Variants in SYNPR observed in about 807,000 individuals in gnomAD.
The protein encoded by SYNPR is synaptoporin.
In SYNPR, 23 loss-of-function variants were observed where a neutral mutation model predicts 32.9. The ratio of observed to expected loss-of-function variants is 0.70; its 90% CI spans 0.50 to 0.99. The LOEUF (loss-of-function observed/expected upper bound fraction) is 0.99. SYNPR is among the 50% of genes least tolerant of loss of function. SYNPR has a pLI of 0.00. For missense variants in SYNPR, 318 were observed against 349.3 expected (o/e 0.91, Z 0.71); for synonymous variants, 146 against 135.9 (o/e 1.07, Z -0.52).
intron 4 of SYNPR, among the ~76,000 whole-genome samples, chr3:63,586,485 T>A (rs899501359): frequency 2.9e-4 from 44 of 152,020 alleles, no homozygotes; most frequent in African/African-American, 8.9e-4. Flanking sequence ...AACAACTTTT[T>A]AAAAAACCTT....
chr3:63,428,958 C>A (rs533754833), intron 2 of SYNPR, among the ~76,000 whole-genome samples: 1 of 152,116 alleles, frequency 6.6e-6, no homozygotes, highest in Admixed American at 6.6e-5. Context: ...CACAAAGTCA[C>A]ATAGAATGAG....
At chr3:63,319,408 T>C (rs111252844) in intron 2 of SYNPR, among the ~76,000 whole-genome samples, 1 of 152,058 alleles carries the variant, frequency 6.6e-6, no homozygotes, top group Non-Finnish European at 1.5e-5. Flanking sequence ...CTATTCTGTG[T>C]CTTCAGTAAA....
chr3:63,550,224 T>C (rs1702476795), intron 3 of SYNPR, among the ~76,000 whole-genome samples: 1 of 150,982 alleles, frequency 6.6e-6, no homozygotes, highest in African/African-American at 2.4e-5. Flanking sequence ...AAAGAACTTA[T>C]ATATAATATA....
chr3:63,473,658 T>C (rs1024542150), intron 2 of SYNPR, among the ~76,000 whole-genome samples: 11 of 152,174 alleles, frequency 7.2e-5, no homozygotes, highest in African/African-American at 2.2e-4. Context: ...GAAGCCTAGT[T>C]AGTGTAGTCA....
intron 2 of SYNPR, chr3:63,330,007 A>G (rs2087208563): frequency 6.6e-6 from 1 of 152,352 alleles, no homozygotes; most frequent in Non-Finnish European, 1.5e-5. Flanking sequence ...ACATCCCTGC[A>G]GGTATTTTAG....
chr3:63,325,028 A>G (rs1400794924), intron 2 of SYNPR, among the ~76,000 whole-genome samples: 1 of 152,126 alleles, frequency 6.6e-6, no homozygotes, highest in Non-Finnish European at 1.5e-5. Flanking sequence ...ATGGTGAAGA[A>G]TGCTTTATGA....
At position 63,594,595 on chromosome 3, in the gene SYNPR, A is replaced by C. The variant is rs79553800; in HGVS notation, c.409-14530A>C. 1.9e-3 allele frequency among the ~76,000 whole-genome samples: 292 copies of C among 152,290 alleles called. 1 individual carries two copies. Among genetic ancestry groups the C allele is most frequent in the African/African-American group, 6.9e-3 (285 of 41,566 alleles). ...TGCACCTTTCAAACTGGGTTTAAGT[A>C]ATTTATCCCAACTATAAAATGGGAT... On this transcript the variant is annotated intron_variant, in intron 4 of 5. Coordinates refer to ENST00000478300, the MANE Select transcript of SYNPR (RefSeq NM_001130003.2).
intron 2 of SYNPR, among the ~76,000 whole-genome samples, chr3:63,366,960 A>G (rs2087735091): frequency 6.6e-6 from 1 of 152,266 alleles, no homozygotes; most frequent in Non-Finnish European, 1.5e-5. Context: ...TGGTGGCAGT[A>G]GCAATAGTGT....
intron 3 of SYNPR, among the ~76,000 whole-genome samples, chr3:63,494,930 G>C (rs1701343425): frequency 6.6e-6 from 1 of 152,030 alleles, no homozygotes; most frequent in Non-Finnish European, 1.5e-5. Context: ...CCTCATACCA[G>C]CCAAACCAGG....
At chr3:63,413,993 T>A (rs2088503687) in intron 2 of SYNPR, among the ~76,000 whole-genome samples, 1 of 150,500 alleles carries the variant, frequency 6.6e-6, no homozygotes, top group Admixed American at 6.6e-5. Context: ...GGGAAAAAAA[T>A]ATATAAATAT....
chr3:63,480,168 C>A (rs1255736344), intron 2 of SYNPR, among the ~76,000 whole-genome samples: 1 of 151,962 alleles, frequency 6.6e-6, no homozygotes, highest in Non-Finnish European at 1.5e-5. Context: ...CACAGATTCA[C>A]ATTCTACACC....
Position 63,414,019 on chromosome 3 carries a change from T to G in SYNPR, c.85-66813T>G, listed in dbSNP as rs199756071. 4.1e-3 allele frequency among the ~76,000 whole-genome samples: 612 copies of G among 150,070 alleles called. 2 individuals carry two copies. The highest frequency in any genetic ancestry group is 0.012 in the African/African-American group (494 of 41,030). On this transcript the variant is annotated intron_variant, in intron 2 of 5. Coordinates refer to ENST00000478300, the MANE Select transcript of SYNPR (RefSeq NM_001130003.2). ...ATATAAATATATATACATATATATATATATAGAGAGAGAGAGAGACAGAGA... is the reference window on the plus strand; with the variant it reads ...ATATAAATATATATACATATATATAGATATAGAGAGAGAGAGAGACAGAGA...
intron 2 of SYNPR, among the ~76,000 whole-genome samples, chr3:63,379,930 T>A (rs994235244): frequency 3.3e-5 from 5 of 151,498 alleles, no homozygotes; most frequent in Non-Finnish European, 7.4e-5. Flanking sequence ...GAGTGAGAAC[T>A]TGCGGTGTTT....
intron 3 of SYNPR, among the ~76,000 whole-genome samples, chr3:63,554,559 A>G (rs184274475): frequency 1.0e-3 from 158 of 152,082 alleles, no homozygotes; most frequent in Admixed American, 1.7e-3. Context: ...ATCCTGTTCC[A>G]TTGGTCTATG....
intron 2 of SYNPR, among the ~76,000 whole-genome samples, chr3:63,442,104 T>C (rs1295260427): frequency 6.6e-6 from 1 of 151,594 alleles, no homozygotes. Context: ...ACTGTGTGTA[T>C]AAGAAAAGGA....
the SYNPR span, among the ~76,000 whole-genome samples, chr3:63,217,579 C>A: frequency 1.5e-5 from 2 of 135,268 alleles, no homozygotes; most frequent in Non-Finnish European, 3.2e-5. Flanking sequence ...GCGCACGGTG[C>A]GCGCACACAC....
intron 3 of SYNPR, among the ~76,000 whole-genome samples, chr3:63,505,459 G>A (rs1385705935): frequency 6.6e-6 from 1 of 152,138 alleles, no homozygotes; most frequent in Non-Finnish European, 1.5e-5. Context: ...GCTTGAGTCA[G>A]ACAAGCCCTC....
At chr3:63,375,782 T>C (rs2087881781) in intron 2 of SYNPR, among the ~76,000 whole-genome samples, 2 of 152,190 alleles carry the variant, frequency 1.3e-5, no homozygotes, top group South Asian at 4.1e-4. Context: ...AATTACTGTC[T>C]AGATGTCAGT....
chr3:63,507,625 T>C (rs926802759), intron 3 of SYNPR, among the ~76,000 whole-genome samples: 5 of 152,136 alleles, frequency 3.3e-5, no homozygotes, highest in African/African-American at 1.2e-4. Context: ...GATCAGATTC[T>C]GGAATGGAGA....
Sources: allele counts gnomAD v4.1 joint callset (sites outside exome capture counted in the v4.1 genomes callset), GRCh38; gene constraint gnomAD v4.1.1; transcripts MANE v1.5; gene names NCBI Gene and HGNC (gene_info 2026-07-23, HGNC 2026-07-21).